Variants in SEPTIN7 observed in about 807,000 individuals in gnomAD.
SEPTIN7 encodes septin 7, also known as septin-7.
A neutral mutation model predicts 63.3 loss-of-function variants in SEPTIN7; 10 were observed. That is an observed-to-expected ratio of 0.16 (90% CI 0.10 to 0.27). The LOEUF is 0.27. SEPTIN7 is among the 10% of genes least tolerant of loss of function. The probability of loss-of-function intolerance (pLI) is 1.00; values close to 1 mark genes in which losing one functional copy is unlikely to be tolerated. For missense variants in SEPTIN7, 310 were observed against 521.0 expected, an observed-to-expected ratio of 0.59 and a Z score of 3.94; for synonymous variants, 131 against 165.3, an observed-to-expected ratio of 0.79 and a Z score of 1.59.
At chr7:35,893,879 G>A (rs1268937363) in intron 11 of SEPTIN7, among the ~76,000 whole-genome samples, 1 of 152,154 alleles carries the variant, frequency 6.6e-6, no homozygotes, top group Non-Finnish European at 1.5e-5. Context: ...GTTAGATCTG[G>A]AGAAGTGGAT....
chr7:35,821,620 A>T (rs541142447), intron 1 of SEPTIN7, among the ~76,000 whole-genome samples: 1 of 152,172 alleles, frequency 6.6e-6, no homozygotes, highest in South Asian at 2.1e-4. Flanking sequence ...CTGGAAGTGG[A>T]ATTTGTTGAA....
chr7:35,876,695 G>A (rs565935840), intron 6 of SEPTIN7, among the ~76,000 whole-genome samples: 15 of 152,252 alleles, frequency 9.9e-5, no homozygotes, highest in Admixed American at 3.9e-4. Context: ...GAGGCTGGGC[G>A]CAGTGGCTCA....
chr7:35,890,542 G>T, intron 10 of SEPTIN7, 126 bp from the exon 11 acceptor site: 1 of 766,672 alleles, frequency 1.3e-6, no homozygotes, highest in Non-Finnish European at 1.8e-6. Flanking sequence ...CTTAACAATA[G>T]TCTTTTGTTC....
chr7:35,852,122 A>G lies in SEPTIN7; in HGVS notation c.170-11430A>G, dbSNP rs540548265. Among the ~76,000 whole-genome samples, 14 of 152,276 alleles carry G rather than the reference A, an allele frequency of 9.2e-5. No individual in the cohort carries two copies. The East Asian group carries it at 2.7e-3, about 29-fold the overall frequency. ...AAAATACATTTCATTGCAACTACCT[A>G]TTACTGATATTCAGGTGTCCACTGT... On this transcript the variant is annotated intron_variant, in intron 3 of 13. Transcript: ENST00000350320.
chr7:35,900,089 C>G lies in SEPTIN7; in HGVS notation c.1134+1706C>G, dbSNP rs377310614. ...GTAATTACCGCATAAAATATGGAAA[C>G]CTTTTTTGACTAAAGGCATAACAAA... On this transcript the variant is annotated intron_variant, in intron 12 of 13. Transcript: ENST00000350320. 36 of 152,022 alleles carry G rather than the reference C, an allele frequency of 2.4e-4. No homozygotes were observed. The East Asian group carries it at 2.9e-3, about 12-fold the overall frequency. The allele number at this position is 152,022 out of a possible 1,614,324, so 9.4% of individuals were successfully genotyped here.
intron 10 of SEPTIN7, among the ~76,000 whole-genome samples, chr7:35,889,041 G>A (rs1279676676): frequency 1.3e-5 from 2 of 152,080 alleles, no homozygotes; most frequent in Non-Finnish European, 2.9e-5. Context: ...CTTGTAAAGG[G>A]GATCTTACAG....
chr7:35,888,823 C>CAA (rs70974780), intron 10 of SEPTIN7: 15,325 of 185,684 alleles, frequency 0.083, 405 homozygotes, highest in African/African-American at 0.12. Flanking sequence ...GACCCTGTAT[C>CAA]AAAAAAAAAA....
intron 1 of SEPTIN7, chr7:35,815,168 C>T (rs778495878): frequency 4.0e-5 from 18 of 445,628 alleles, no homozygotes; most frequent in South Asian, 2.7e-4. Flanking sequence ...CTTTCTAGTT[C>T]ATCTTGTATT....
intron 3 of SEPTIN7, among the ~76,000 whole-genome samples, chr7:35,861,796 C>T (rs1785526264): frequency 6.6e-6 from 1 of 152,166 alleles, no homozygotes; most frequent in Non-Finnish European, 1.5e-5. Flanking sequence ...GTTAGGTCTG[C>T]ACTCTTGCCG....
intron 3 of SEPTIN7, among the ~76,000 whole-genome samples, chr7:35,859,991 A>T (rs1216292661): frequency 6.6e-6 from 1 of 152,126 alleles, no homozygotes; most frequent in East Asian, 1.9e-4. Flanking sequence ...ACTTATAAGG[A>T]AGAACTAACT....
intron 9 of SEPTIN7, among the ~76,000 whole-genome samples, 170 bp from the exon 10 acceptor site, chr7:35,885,658 T>C (rs1467751986): frequency 6.6e-6 from 1 of 152,240 alleles, no homozygotes; most frequent in Non-Finnish European, 1.5e-5. Context: ...AGTACACTTC[T>C]CTGTCATGCC....
intron 3 of SEPTIN7, among the ~76,000 whole-genome samples, chr7:35,834,152 T>TATGTAATATGTA (rs1783967990): frequency 6.6e-6 from 1 of 152,016 alleles, no homozygotes; most frequent in East Asian, 1.9e-4. Flanking sequence ...AGAAACACTG[T>TATGTAATATGTA]ATCTTACCTT....
At chr7:35,824,902 A>T (rs1783422912) in intron 1 of SEPTIN7, among the ~76,000 whole-genome samples, 1 of 152,180 alleles carries the variant, frequency 6.6e-6, no homozygotes. Flanking sequence ...TCTTATACTA[A>T]GTCTTTAAAA....
At chr7:35,813,274 T>C (rs1459047738) in intron 1 of SEPTIN7, among the ~76,000 whole-genome samples, 1 of 152,062 alleles carries the variant, frequency 6.6e-6, no homozygotes, top group Non-Finnish European at 1.5e-5. Flanking sequence ...TATGAATCTT[T>C]TATATATTAA....
rs1276406053 is a variant in SEPTIN7, at chr7:35,864,425, A to G, written c.276+767A>G. 4.6e-5 allele frequency among the ~76,000 whole-genome samples: 7 copies of G among 152,256 alleles called. No individual in the cohort carries two copies. The East Asian group carries it at 9.7e-4, about 21-fold the overall frequency. On this transcript the variant is annotated intron_variant, in intron 4 of 13. Coordinates refer to ENST00000350320, the MANE Select transcript of SEPTIN7 (RefSeq NM_001788.6). ...GCAAGGGGCTAGATTCTAGATATGT[A>G]CTTTTTATTAAATAGTACAGCAGCC...
rs183435336 is a variant in SEPTIN7, at chr7:35,812,955, C to T, written c.61+11685C>T. Among the ~76,000 whole-genome samples the T allele has an allele frequency of 6.6e-5, 10 of 152,290 alleles. No homozygotes were observed. In the East Asian group the frequency reaches 1.9e-3, roughly 29 times the overall value. ...ACAGATTTCTATTTTTAATCAAAAG[C>T]TCCCCATATTCTTCTGATTATAGCC... On this transcript the variant is annotated intron_variant, in intron 1 of 13. Transcript: ENST00000350320.
intron 1 of SEPTIN7, 55 bp from the exon 2 acceptor site, chr7:35,831,437 T>C (rs1292908829): frequency 1.1e-5 from 5 of 448,086 alleles, no homozygotes; most frequent in Non-Finnish European, 4.4e-6. Flanking sequence ...CCTCTGTGGA[T>C]TTCTTCTGTT....
chr7:35,842,122 GTC>G (rs899180536), intron 3 of SEPTIN7, among the ~76,000 whole-genome samples: 3 of 152,098 alleles, frequency 2.0e-5, no homozygotes, highest in African/African-American at 7.2e-5. Flanking sequence ...ATCGGGTTTA[GTC>G]TCTCCCAAGG....
rs1055498564 is a variant in SEPTIN7 at position 35,904,396 on chromosome 7, A to T, written c.*103A>T. 58 of 883,008 alleles carry T rather than the reference A, an allele frequency of 6.6e-5. No individual in the cohort carries two copies. The highest frequency in any genetic ancestry group is 9.5e-5 in the Non-Finnish European group (57 of 603,124). The allele number at this position is 883,008 out of a possible 1,614,324, so 54.7% of individuals were successfully genotyped here. A position where few individuals can be genotyped will look rare whatever the true frequency, so the allele number is the denominator to read the frequency against. On this transcript the variant is annotated 3_prime_UTR_variant, in exon 14 of 14. Coordinates refer to ENST00000350320, the MANE Select transcript of SEPTIN7 (RefSeq NM_001788.6). Reference sequence around the variant, plus strand: ...ACCAATTTGCACCAGTTTTATCCATAATGATGGATTTAACAGCATGACAAA... The same window carrying T: ...ACCAATTTGCACCAGTTTTATCCATTATGATGGATTTAACAGCATGACAAA...
Sources: allele counts gnomAD v4.1 joint callset (sites outside exome capture counted in the v4.1 genomes callset), GRCh38; gene constraint gnomAD v4.1.1; transcripts MANE v1.5; gene names NCBI Gene and HGNC (gene_info 2026-07-23, HGNC 2026-07-21).